The following ATF7IP variants were observed in gnomAD, a reference collection of about 807,000 sequenced individuals.
The protein encoded by ATF7IP is activating transcription factor 7-interacting protein 1.
Under a neutral mutation model 106.4 loss-of-function variants are expected in ATF7IP, and 23 were observed. The ratio of observed to expected loss-of-function variants is 0.22; its 90% CI spans 0.16 to 0.31. The LOEUF (loss-of-function observed/expected upper bound fraction) is 0.31. Ranked by LOEUF, ATF7IP falls within the 10% of genes least tolerant of loss-of-function variation. The pLI is 1.00. For synonymous variants in ATF7IP, 542 were observed against 539.0 expected (o/e 1.01, Z -0.08); for missense variants, 1,334 against 1,524.3 (o/e 0.88, Z 2.08).
At position 14,457,265 on chromosome 12, in the gene ATF7IP, C is replaced by T. The variant is rs73058771; in HGVS notation, c.2128C>T (p.Pro710Ser). ...ESKRNVSESA[P>S]PSFQTPVNTV... ...CAAAAGAAATGTAAGCGAGAGTGCA[C>T]CACCATCCTTTCAAACTCCTGTGAA... Residue 710 changes from proline (P) to serine (S), a missense_variant, in exon 8 of 15, where the codon CCA becomes TCA. By Grantham distance (74) the Pro-to-Ser change is moderately conservative. Coordinates refer to ENST00000261168, the MANE Select transcript of ATF7IP (RefSeq NM_018179.5). 555 of 1,612,554 alleles carry T rather than the reference C, an allele frequency of 3.4e-4. 1 individual carries two copies. The highest frequency in any genetic ancestry group is 4.7e-4 in the Non-Finnish European group (549 of 1,179,540).
chr12:14,412,225 A>G (rs959677101), intron 1 of ATF7IP, among the ~76,000 whole-genome samples: 4 of 152,086 alleles, frequency 2.6e-5, no homozygotes, highest in Non-Finnish European at 5.9e-5. Flanking sequence ...GAGTTCTCCA[A>G]GTTTATTTTT....
chr12:14,468,874 A>T (rs182890168), intron 10 of ATF7IP, among the ~76,000 whole-genome samples: 74 of 152,322 alleles, frequency 4.9e-4, no homozygotes, highest in African/African-American at 1.5e-3. Flanking sequence ...TACCTTTATT[A>T]ATGTTACACT....
chr12:14,488,482 T>A (rs1330958095), intron 13 of ATF7IP, among the ~76,000 whole-genome samples: 1 of 152,136 alleles, frequency 6.6e-6, no homozygotes, highest in Non-Finnish European at 1.5e-5. Context: ...TGCTTTATAT[T>A]TGTTGGCAGC....
In ATF7IP at chr12:14,424,099, A is replaced by C; in HGVS notation, c.184A>C (p.Met62Leu). Residue 62 changes from methionine to leucine, a missense_variant, in exon 2 of 15, where the codon ATG becomes CTG. This residue lies in a region of ATF7IP where 74 missense variants were observed against 101.9 expected (regional missense o/e 0.73). Transcript: ENST00000261168. ...GGACCCAACCTCACCTTTGGAAAACATGGATTACATTAAAGACAAGGAAGA... is the reference window on the plus strand; with the variant it reads ...GGACCCAACCTCACCTTTGGAAAACCTGGATTACATTAAAGACAAGGAAGA... ...DLDPTSPLEN[M>L]DYIKDKEEVN... The C allele has an allele frequency of 6.2e-7, 1 of 1,614,230 alleles. No homozygotes were observed. The highest frequency in any genetic ancestry group is 8.5e-7 in the Non-Finnish European group (1 of 1,180,028).
Position 14,424,973 on chromosome 12 carries a change from A to C in ATF7IP, c.1058A>C (p.Glu353Ala). 6.2e-7 allele frequency: 1 copy of C among 1,610,220 alleles called. No homozygotes were observed. The highest frequency in any genetic ancestry group is 1.1e-5 in the South Asian group (1 of 89,804). The change falls in exon 2 of 15, where the codon GAA becomes GCA. Residue 353 changes from glutamate (E) to alanine (A), a missense_variant. Physicochemically the swap from Glu to Ala is moderately radical, Grantham distance 107. Coordinates refer to ENST00000261168, the MANE Select transcript of ATF7IP (RefSeq NM_018179.5). ...ATTGATGCTAATGAAGAAACTCTAG[A>C]AACAGATGATACAACTATTTGTTCA... Reference protein sequence around the residue: ...NNIDANEETLETDDTTICSDR... With the variant: ...NNIDANEETLATDDTTICSDR...
intron 11 of ATF7IP, 43 bp from the exon 12 acceptor site, chr12:14,478,274 A>AT (rs372940417): frequency 6.9e-6 from 11 of 1,595,734 alleles, no homozygotes; most frequent in Non-Finnish European, 9.4e-6. Context: ...GTATTTCCTG[A>AT]TTTTTTTCTT....
chr12:14,444,657 T>A (rs1942865440), intron 5 of ATF7IP, among the ~76,000 whole-genome samples: 1 of 152,208 alleles, frequency 6.6e-6, no homozygotes, highest in Non-Finnish European at 1.5e-5. Context: ...CTCTTTGATT[T>A]CTCTGTTTTA....
At chr12:14,371,089 C>CT (rs1938516409) in intron 1 of ATF7IP, among the ~76,000 whole-genome samples, 1 of 151,788 alleles carries the variant, frequency 6.6e-6, no homozygotes, top group South Asian at 2.1e-4. Context: ...CATTAAATCT[C>CT]TTTTTTATGC....
intron 5 of ATF7IP, among the ~76,000 whole-genome samples, chr12:14,446,229 C>CA (rs1942951738): frequency 6.6e-6 from 1 of 151,772 alleles, no homozygotes; most frequent in African/African-American, 2.4e-5. Context: ...CTCACTGCAA[C>CA]CTCTGCCTCC....
chr12:14,487,578 A>G (rs1296821796), intron 13 of ATF7IP, among the ~76,000 whole-genome samples: 1 of 152,134 alleles, frequency 6.6e-6, no homozygotes, highest in Non-Finnish European at 1.5e-5. Flanking sequence ...GGGTGTAGGG[A>G]AGCTGTTCCA....
chr12:14,495,704 T>C (rs2136877306), intron 13 of ATF7IP, among the ~76,000 whole-genome samples: 1 of 152,318 alleles, frequency 6.6e-6, no homozygotes, highest in East Asian at 1.9e-4. Flanking sequence ...ACCTCATTAA[T>C]ACATGGCAAG....
rs1358368196 is a variant in ATF7IP, at chr12:14,377,621, T to C, written c.-8+11794T>C. Among the ~76,000 whole-genome samples the C allele has an allele frequency of 3.3e-5, 5 of 151,110 alleles. No homozygotes were observed. In the Admixed American group the frequency reaches 3.4e-4, roughly 10 times the overall value. On this transcript the variant is annotated intron_variant, in intron 1 of 14. Transcript: ENST00000261168. ...CCACCGCGCCCGGCCTTTCTTTCTT[T>C]CTTTTTTTTTTTGACAGAGTCTCGC...
chr12:14,462,334 C>A (rs558915234), intron 9 of ATF7IP, among the ~76,000 whole-genome samples: 23 of 152,094 alleles, frequency 1.5e-4, no homozygotes, highest in African/African-American at 5.5e-4. Flanking sequence ...AGTGGACATA[C>A]AAGATTTTTG....
intron 1 of ATF7IP, among the ~76,000 whole-genome samples, chr12:14,375,260 C>G (rs963978704): frequency 3.3e-5 from 5 of 151,502 alleles, no homozygotes; most frequent in Non-Finnish European, 7.4e-5. Context: ...CAAATACCCA[C>G]ATGATGAATT....
At position 14,424,640 on chromosome 12, in the gene ATF7IP, G is replaced by A. The variant is rs772166585; in HGVS notation, c.725G>A (p.Gly242Glu). 6.2e-7 allele frequency: 1 copy of A among 1,614,104 alleles called. No homozygotes were observed. The highest frequency in any genetic ancestry group is 1.1e-5 in the South Asian group (1 of 91,074). Reference sequence around the variant, plus strand: ...ATAACTTCTGTTGATCTGGCTTCTGGAGCACCAGCTTCCACTGATCCAGCC... The same window carrying A: ...ATAACTTCTGTTGATCTGGCTTCTGAAGCACCAGCTTCCACTGATCCAGCC... ...SEITSVDLASGAPASTDPASD... is the reference protein window; with the variant it reads ...SEITSVDLASEAPASTDPASD... Residue 242 changes from glycine to glutamate, a missense_variant, in exon 2 of 15, where the codon GGA becomes GAA. This residue lies in a region of ATF7IP where 438 missense variants were observed against 405.3 expected (regional missense o/e 1.08). Transcript: ENST00000261168.
intron 6 of ATF7IP, among the ~76,000 whole-genome samples, chr12:14,454,578 A>AATGT (rs1943352036): frequency 6.6e-6 from 1 of 152,154 alleles, no homozygotes; most frequent in African/African-American, 2.4e-5. Flanking sequence ...GAGTAAATGC[A>AATGT]ATGTATTTTC....
rs770191292 is a variant in ATF7IP at position 14,496,242 on chromosome 12, C to T, written c.3292C>T (p.Arg1098Ter). 1 of 1,610,310 alleles carries T rather than the reference C, an allele frequency of 6.2e-7. No homozygotes were observed. Residue 1098 changes from arginine (R) to a stop codon, truncating the protein, a stop_gained, in exon 14 of 15, where the codon CGA (arginine) becomes TGA (stop). Transcript: ENST00000261168. LOFTEE classifies it high-confidence loss of function. ...QVNPQNSVTV[R>*]VPQTTTYVVN... Reference sequence around the variant, plus strand: ...TTGTTTGTTTGTAGGTGTTACAGTTCGAGTGCCTCAAACAACCACATATGT... The same window carrying T: ...TTGTTTGTTTGTAGGTGTTACAGTTTGAGTGCCTCAAACAACCACATATGT...
intron 1 of ATF7IP, among the ~76,000 whole-genome samples, chr12:14,383,439 AT>A (rs1371262400): frequency 6.6e-6 from 1 of 152,184 alleles, no homozygotes; most frequent in Admixed American, 6.5e-5. Context: ...AGCTCTGAAT[AT>A]TTTGGCTATG....
intron 2 of ATF7IP, among the ~76,000 whole-genome samples, chr12:14,431,303 A>G (rs934706957): frequency 3.3e-5 from 5 of 152,188 alleles, no homozygotes; most frequent in Non-Finnish European, 7.4e-5. Flanking sequence ...AAACTTGCCA[A>G]ATTGTGATAA....
Sources: gnomAD v4.1 joint callset for allele counts (sites outside exome capture counted in the v4.1 genomes callset) on GRCh38, gnomAD v4.1.1 for gene constraint, gnomAD v4.1.1 regional missense constraint, MANE v1.5 for transcripts, NCBI Gene and HGNC (gene_info 2026-07-23, HGNC 2026-07-21) for gene names.